The following ABTB3 variants were observed in gnomAD, a reference collection of about 807,000 sequenced individuals.
ABTB3 encodes the protein ankyrin repeat and BTB domain containing 3.
At chr12:107,502,261 G>A in the ABTB3 span, among the ~76,000 whole-genome samples, 7 of 151,814 alleles carry the variant, frequency 4.6e-5, no homozygotes, top group South Asian at 1.5e-3. Flanking sequence ...GTAGAGATGG[G>A]GTTTCATCAT....
At chr12:107,421,006 TGTTATAAAAGA>T in the ABTB3 span, among the ~76,000 whole-genome samples, 4 of 152,196 alleles carry the variant, frequency 2.6e-5, no homozygotes, top group African/African-American at 9.7e-5. Flanking sequence ...CTTTCTAAGC[TGTTATAAAAGA>T]GTAGAGAGGT....
the ABTB3 span, among the ~76,000 whole-genome samples, chr12:107,479,713 T>A: frequency 0.095 from 14,515 of 152,238 alleles, 730 homozygotes; most frequent in South Asian, 0.15. Context: ...ATGATCGTGC[T>A]GAAATGTATT....
the ABTB3 span, among the ~76,000 whole-genome samples, chr12:107,409,240 C>T: frequency 2.0e-5 from 3 of 152,162 alleles, no homozygotes; most frequent in African/African-American, 7.2e-5. Flanking sequence ...GCCAACAGCC[C>T]CAGTCAGAAC....
chr12:107,356,264 A>G, the ABTB3 span, among the ~76,000 whole-genome samples: 1 of 152,188 alleles, frequency 6.6e-6, no homozygotes, highest in Admixed American at 6.5e-5. Flanking sequence ...CAGGTACCAT[A>G]AGAGATCCAT....
At chr12:107,566,680 C>CACACACACACACAA in the ABTB3 span, among the ~76,000 whole-genome samples, 4,126 of 151,338 alleles carry the variant, frequency 0.027, 201 homozygotes, top group African/African-American at 0.095. Flanking sequence ...CACACACACA[C>CACACACACACACAA]ACACAAACAT....
the ABTB3 span, among the ~76,000 whole-genome samples, chr12:107,386,083 C>T: frequency 6.6e-6 from 1 of 152,200 alleles, no homozygotes; most frequent in Non-Finnish European, 1.5e-5. Context: ...ACCTTATTTT[C>T]ATCCTTCACA....
chr12:107,515,142 C>G, the ABTB3 span, among the ~76,000 whole-genome samples: 1 of 152,176 alleles, frequency 6.6e-6, no homozygotes, highest in Non-Finnish European at 1.5e-5. Flanking sequence ...AAGTCAAACA[C>G]AGTGAGAAGT....
chr12:107,554,053 G>A, the ABTB3 span, among the ~76,000 whole-genome samples: 1 of 152,194 alleles, frequency 6.6e-6, no homozygotes, highest in Non-Finnish European at 1.5e-5. Flanking sequence ...TGGTAACGGA[G>A]AGTACTGAAC....
the ABTB3 span, chr12:107,581,047 C>CGGG: frequency 1.3e-6 from 2 of 1,548,636 alleles, no homozygotes; most frequent in Non-Finnish European, 1.7e-6. Context: ...GCTGGGGAGT[C>CGGG]GGGAGATGGG....
the ABTB3 span, among the ~76,000 whole-genome samples, chr12:107,526,228 T>C: frequency 6.6e-6 from 1 of 152,230 alleles, no homozygotes; most frequent in Admixed American, 6.5e-5. Context: ...GCTGAACCTA[T>C]GCCGGTTCTA....
the ABTB3 span, among the ~76,000 whole-genome samples, chr12:107,346,411 C>T: frequency 2.0e-5 from 3 of 152,250 alleles, no homozygotes; most frequent in East Asian, 3.9e-4. Flanking sequence ...TATAGCTCTT[C>T]GTTACAAGAA....
At chr12:107,651,934 T>C in the ABTB3 span, 1 of 629,084 alleles carries the variant, frequency 1.6e-6, no homozygotes, top group South Asian at 1.9e-5. Flanking sequence ...AAGGTCTTGC[T>C]TCCTGCCTTA....
the ABTB3 span, among the ~76,000 whole-genome samples, chr12:107,428,472 T>A: frequency 6.6e-6 from 1 of 152,104 alleles, no homozygotes; most frequent in Non-Finnish European, 1.5e-5. Context: ...CCTCCACCAA[T>A]GAAGGATGCG....
chr12:107,509,365 G>A, the ABTB3 span, among the ~76,000 whole-genome samples: 1 of 152,252 alleles, frequency 6.6e-6, no homozygotes, highest in African/African-American at 2.4e-5. Context: ...TTGAGTTCAA[G>A]AACGAAGCTT....
the ABTB3 span, among the ~76,000 whole-genome samples, chr12:107,511,601 GCCAAGACCTTTTGAAGC>G: frequency 3.3e-5 from 5 of 152,080 alleles, no homozygotes; most frequent in African/African-American, 1.2e-4. Flanking sequence ...AGAAGAAGCA[GCCAAGACCTTTTGAAGC>G]CTACACTTGG....
chr12:107,500,264 A>G, the ABTB3 span, among the ~76,000 whole-genome samples: 2 of 152,146 alleles, frequency 1.3e-5, no homozygotes, highest in African/African-American at 4.8e-5. Context: ...CCCGCTCCCC[A>G]GGACTGGGGT....
the ABTB3 span, among the ~76,000 whole-genome samples, chr12:107,473,090 C>T: frequency 1.3e-5 from 2 of 152,160 alleles, no homozygotes; most frequent in African/African-American, 4.8e-5. Context: ...TGTGTGGCAG[C>T]TTTGTGGATC....
At chr12:107,381,889 T>A in the ABTB3 span, among the ~76,000 whole-genome samples, 1 of 152,218 alleles carries the variant, frequency 6.6e-6, no homozygotes, top group Non-Finnish European at 1.5e-5. Context: ...TTAAATGAGC[T>A]AATTTATGTA....
At chr12:107,499,528 A>G in the ABTB3 span, among the ~76,000 whole-genome samples, 1 of 152,100 alleles carries the variant, frequency 6.6e-6, no homozygotes, top group Admixed American at 6.6e-5. Flanking sequence ...GCTATAAAGA[A>G]CTACCTAAGA....
Sources: allele counts gnomAD v4.1 joint callset (sites outside exome capture counted in the v4.1 genomes callset), GRCh38; gene constraint gnomAD v4.1.1; transcripts MANE v1.5; gene names NCBI Gene and HGNC (gene_info 2026-07-23, HGNC 2026-07-21).